The following DYNC1I1 variants were observed in gnomAD, a reference collection of about 807,000 sequenced individuals.
DYNC1I1 encodes dynein cytoplasmic 1 intermediate chain 1, also known as cytoplasmic dynein 1 intermediate chain 1.
In DYNC1I1, 43 loss-of-function variants were observed where a neutral mutation model predicts 86.6. That is an observed-to-expected ratio of 0.50 (90% CI 0.39 to 0.64). The LOEUF (loss-of-function observed/expected upper bound fraction) is 0.64, where lower values mean the gene tolerates loss of function less well. Among genes scored for constraint, DYNC1I1 ranks in the 30% least tolerant of loss-of-function variants. The pLI is 0.00. For synonymous variants in DYNC1I1, 262 were observed against 283.7 expected, an observed-to-expected ratio of 0.92 and a Z score of 0.77; for missense variants, 604 against 788.8, an observed-to-expected ratio of 0.77 and a Z score of 2.81.
intron 6 of DYNC1I1, among the ~76,000 whole-genome samples, chr7:95,904,967 A>G (rs1237596704): frequency 2.6e-5 from 4 of 152,200 alleles, no homozygotes; most frequent in African/African-American, 9.6e-5. Context: ...AAAAAGTCAA[A>G]ATGCCTTATC....
chr7:95,899,872 C>T lies in DYNC1I1; in HGVS notation c.490+29874C>T, dbSNP rs550042514. Reference sequence around the variant, plus strand: ...AACTTCTACCATTGTTATCTGACTTCTATTCTACCTCTGTATGTATCTCTT... The same window carrying T: ...AACTTCTACCATTGTTATCTGACTTTTATTCTACCTCTGTATGTATCTCTT... On this transcript the variant is annotated intron_variant, in intron 6 of 16. Transcript: ENST00000447467. Among the ~76,000 whole-genome samples the T allele has an allele frequency of 6.6e-5, 10 of 152,272 alleles. 1 individual carries two copies. Among genetic ancestry groups the T allele is most frequent in the African/African-American group, 2.4e-4 (10 of 41,568 alleles).
intron 7 of DYNC1I1, among the ~76,000 whole-genome samples, chr7:95,978,258 G>T (rs949735307): frequency 2.0e-5 from 3 of 152,008 alleles, no homozygotes; most frequent in African/African-American, 7.3e-5. Flanking sequence ...TTTATCCAAG[G>T]ATACATAATG....
intron 16 of DYNC1I1, among the ~76,000 whole-genome samples, chr7:96,096,347 G>A (rs915944371): frequency 1.3e-5 from 2 of 151,898 alleles, no homozygotes; most frequent in African/African-American, 4.8e-5. Flanking sequence ...AATTGAGATG[G>A]CTGTATGTTC....
rs566324520 is a variant in DYNC1I1, at chr7:96,064,657, A to G, written c.1510-11400A>G. ...TTATCCCAAGGAGGATGCCAAATCA[A>G]AAATCCATTTGAGAGAGTAGAGGTT... On this transcript the variant is annotated intron_variant, in intron 14 of 16. Transcript: ENST00000447467. Among the ~76,000 whole-genome samples, 4 of 152,324 alleles carry G rather than the reference A, an allele frequency of 2.6e-5. No homozygotes were observed. In the East Asian group the frequency reaches 7.7e-4, roughly 29 times the overall value.
At chr7:96,066,717 G>A (rs1284342820) in intron 14 of DYNC1I1, among the ~76,000 whole-genome samples, 1 of 152,090 alleles carries the variant, frequency 6.6e-6, no homozygotes, top group African/African-American at 2.4e-5. Context: ...ACTCTGTTGT[G>A]TGTTTGTTCT....
At chr7:96,003,576 G>A (rs1309408686) in intron 10 of DYNC1I1, among the ~76,000 whole-genome samples, 2 of 151,988 alleles carry the variant, frequency 1.3e-5, no homozygotes, top group Non-Finnish European at 2.9e-5. Flanking sequence ...TTTCATATAG[G>A]CAAGAGCAGG....
chr7:95,951,092 A>G (rs1305613941), intron 6 of DYNC1I1, among the ~76,000 whole-genome samples: 2 of 152,314 alleles, frequency 1.3e-5, no homozygotes, highest in East Asian at 1.9e-4. Context: ...TTTTACTATT[A>G]TCATTATTTT....
intron 1 of DYNC1I1, among the ~76,000 whole-genome samples, chr7:95,774,362 C>T (rs906938915): frequency 3.9e-5 from 6 of 152,148 alleles, no homozygotes; most frequent in African/African-American, 7.2e-5. Context: ...ATGCTGCAGC[C>T]GCTGGTGCAC....
At chr7:95,803,080 G>T (rs1424993679) in intron 1 of DYNC1I1, among the ~76,000 whole-genome samples, 1 of 152,228 alleles carries the variant, frequency 6.6e-6, no homozygotes, top group South Asian at 2.1e-4. Flanking sequence ...GCACGGACAA[G>T]CTTGAATTTA....
At chr7:95,817,663 C>T (rs566564070) in intron 4 of DYNC1I1, among the ~76,000 whole-genome samples, 43 of 152,228 alleles carry the variant, frequency 2.8e-4, no homozygotes, top group African/African-American at 9.9e-4. Flanking sequence ...TCTTTATCCA[C>T]GTAATTACAT....
At chr7:96,002,969 A>G (rs1419339030) in intron 10 of DYNC1I1, among the ~76,000 whole-genome samples, 3 of 151,906 alleles carry the variant, frequency 2.0e-5, no homozygotes, top group East Asian at 3.9e-4. Context: ...TCAGCCTCCC[A>G]AGTAGCTGGG....
intron 4 of DYNC1I1, among the ~76,000 whole-genome samples, chr7:95,823,170 C>T (rs992234305): frequency 6.6e-6 from 1 of 152,060 alleles, no homozygotes; most frequent in African/African-American, 2.4e-5. Context: ...AGTGGACTAC[C>T]TCAGCCACCT....
chr7:95,841,612 G>A (rs1450136538), intron 5 of DYNC1I1, among the ~76,000 whole-genome samples: 2 of 152,194 alleles, frequency 1.3e-5, no homozygotes, highest in Non-Finnish European at 2.9e-5. Context: ...AGCATTTGTT[G>A]TGTAGTCCAA....
In DYNC1I1 at chr7:96,042,716, G is replaced by T. The variant is rs1789085401; in HGVS notation, c.1509+3295G>T. Among the ~76,000 whole-genome samples, 5 of 152,166 alleles carry T rather than the reference G, an allele frequency of 3.3e-5. No homozygotes were observed. In the South Asian group the frequency reaches 1.0e-3, roughly 31 times the overall value. On this transcript the variant is annotated intron_variant, in intron 14 of 16. Transcript: ENST00000447467. ...AAAAACCTCTTTGGCCACCTATGGA[G>T]AATACTAGGTAAACAAACTCATTAT...
chr7:95,997,376 G>A (rs1433179227), intron 10 of DYNC1I1, among the ~76,000 whole-genome samples: 1 of 151,878 alleles, frequency 6.6e-6, no homozygotes, highest in African/African-American at 2.4e-5. Flanking sequence ...GAAAAACAGT[G>A]CCTTTTAAAT....
chr7:95,934,077 A>G (rs1433961589), intron 6 of DYNC1I1, among the ~76,000 whole-genome samples: 1 of 152,126 alleles, frequency 6.6e-6, no homozygotes, highest in Admixed American at 6.6e-5. Flanking sequence ...GTCTTGGAAC[A>G]GTGATAAAGA....
chr7:95,835,013 G>T (rs1188880997), intron 5 of DYNC1I1, among the ~76,000 whole-genome samples: 1 of 121,568 alleles, frequency 8.2e-6, no homozygotes, highest in Non-Finnish European at 1.7e-5. Context: ...CCTTCTGCTA[G>T]CTTTTGAATG....
intron 6 of DYNC1I1, among the ~76,000 whole-genome samples, chr7:95,970,232 G>A (rs1449404505): frequency 1.3e-5 from 2 of 152,130 alleles, no homozygotes; most frequent in African/African-American, 2.4e-5. Context: ...TGGCAACTGC[G>A]CCGACCAAAG....
At position 95,813,704 on chromosome 7, in the gene DYNC1I1, A is replaced by T. The variant is rs377651727; in HGVS notation, c.314+367A>T. The stretch of plus-strand genomic sequence containing the variant: ...TTATCCTACTTTGGTTTTGGTTTCC[A>T]TGAAAGTCTTTGTGAATAGAATATT... On this transcript the variant is annotated intron_variant, in intron 4 of 16. Coordinates refer to ENST00000447467, the MANE Select transcript of DYNC1I1 (RefSeq NM_001135556.2). 7.4e-4 allele frequency among the ~76,000 whole-genome samples: 113 copies of T among 152,300 alleles called. No homozygotes were observed. In the South Asian group the frequency reaches 0.023, roughly 31 times the overall value.
Sources: allele counts gnomAD v4.1 joint callset (sites outside exome capture counted in the v4.1 genomes callset), GRCh38; gene constraint gnomAD v4.1.1; transcripts MANE v1.5; gene names NCBI Gene and HGNC (gene_info 2026-07-23, HGNC 2026-07-21).